GPR161: variants seen among roughly 807,000 people sequenced by gnomAD.
The protein encoded by GPR161 is G-protein coupled receptor RE2.
Under a neutral mutation model 39.2 loss-of-function variants are expected in GPR161, and 25 were observed. The observed-to-expected ratio is 0.64, with a 90% CI of 0.47 to 0.89. GPR161 has a LOEUF of 0.89. GPR161 is among the 40% of genes least tolerant of loss of function. The probability of loss-of-function intolerance (pLI) is 0.00; values close to 1 mark genes in which losing one functional copy is unlikely to be tolerated. For synonymous variants in GPR161, 286 were observed against 276.6 expected (o/e 1.03, Z -0.34); for missense variants, 547 against 677.8 (o/e 0.81, Z 2.14).
rs2102275413 is a variant in GPR161, at chr1:168,134,902, G to C, written c.-45+1837C>G. The C allele has an allele frequency of 2.6e-6, 4 of 1,535,392 alleles. No individual in the cohort carries two copies. The South Asian group carries it at 3.6e-5, about 14-fold the overall frequency. ...GCAGTGGAGTTTACACCACAGAACTGTACCTCCTCTTGCTGACATTTAGGT... is the reference window on the plus strand; with the variant it reads ...GCAGTGGAGTTTACACCACAGAACTCTACCTCCTCTTGCTGACATTTAGGT... On this transcript the variant is annotated intron_variant, in intron 1 of 5. Coordinates refer to ENST00000682931, the MANE Select transcript of GPR161 (RefSeq NM_001375883.1).
chr1:168,133,965 G>A (rs1186905996), intron 1 of GPR161: 4 of 570,194 alleles, frequency 7.0e-6, no homozygotes, highest in African/African-American at 6.1e-5. Flanking sequence ...AAGGTGGGGA[G>A]AAGGAGTAGA....
At chr1:168,099,993 G>A (rs1394028361) in intron 2 of GPR161, among the ~76,000 whole-genome samples, 1 of 151,982 alleles carries the variant, frequency 6.6e-6, no homozygotes, top group Non-Finnish European at 1.5e-5. Context: ...TTGAAGCCAG[G>A]AGTTTGAGAC....
chr1:168,137,499 G>A (rs1699473102), upstream of GPR161: 3 of 1,042,986 alleles, frequency 2.9e-6, no homozygotes, highest in Non-Finnish European at 1.4e-6. Context: ...GCCCCGGGGA[G>A]TGGGGAGTGG....
rs547511917 is a variant in GPR161, at chr1:168,115,809, A to T, written c.-44-10915T>A. On this transcript the variant is annotated intron_variant, in intron 1 of 5. Transcript: ENST00000682931. ...TTTTTTTTTTGAGACGGAGTCTTGCACTGTCGCCCAGGCTGGAGTGCAGTG... is the reference window on the plus strand; with the variant it reads ...TTTTTTTTTTGAGACGGAGTCTTGCTCTGTCGCCCAGGCTGGAGTGCAGTG... Among the ~76,000 whole-genome samples, 15 of 150,274 alleles carry T rather than the reference A, an allele frequency of 1.0e-4. No homozygotes were observed. The South Asian group carries it at 1.7e-3, about 17-fold the overall frequency.
At chr1:168,123,533 TACATACACACAC>T (rs1156242659) in intron 1 of GPR161, among the ~76,000 whole-genome samples, 14 of 97,650 alleles carry the variant, frequency 1.4e-4, no homozygotes, top group African/African-American at 2.3e-4. Context: ...GATATGCACA[TACATACACACAC>T]ACACACACAC....
intron 1 of GPR161, among the ~76,000 whole-genome samples, chr1:168,117,116 A>T (rs1697697109): frequency 1.3e-5 from 2 of 152,158 alleles, no homozygotes; most frequent in Non-Finnish European, 2.9e-5. Context: ...CCTCTCCACA[A>T]GGGCATCAGC....
At chr1:168,137,009 C>T (rs1699438595), upstream of GPR161, 2 of 882,608 alleles carry the variant, frequency 2.3e-6, no homozygotes, top group Non-Finnish European at 2.7e-6. Flanking sequence ...CCCGAGCCGC[C>T]TCCCCGCGCC....
chr1:168,136,237 G>C (rs912211255), intron 1 of GPR161: 20 of 1,310,784 alleles, frequency 1.5e-5, no homozygotes, highest in Admixed American at 3.7e-5. Flanking sequence ...CTGAGTCCCG[G>C]CTGGGAGAAG....
intron 3 of GPR161, among the ~76,000 whole-genome samples, chr1:168,093,402 G>A (rs1019351869): frequency 3.3e-5 from 5 of 152,156 alleles, no homozygotes; most frequent in African/African-American, 1.2e-4. Context: ...AAATCTGCTA[G>A]ATATAAAGGA....
rs1303033732 is a variant in GPR161 at position 168,119,245 on chromosome 1, CAT to C, written c.-44-14353_-44-14352del. Among the ~76,000 whole-genome samples, 137 of 103,340 alleles carry C rather than the reference CAT, an allele frequency of 1.3e-3. 7 individuals are homozygous for C. Among genetic ancestry groups the C allele is most frequent in the Middle Eastern group, 5.3e-3 (1 of 188 alleles). 67.8% of individuals were successfully genotyped at this position (103,340 alleles called of 152,430 possible). The stretch of plus-strand genomic sequence containing the variant: ...ATATATACGTATATATATATATACA[CAT>C]ATATATATACGTATATATATGTGTA... On this transcript the variant is annotated intron_variant, in intron 1 of 5. Transcript: ENST00000682931.
rs887277152 is a variant in GPR161 at position 168,098,729 on chromosome 1, C to T, written c.375-1497G>A. Among the ~76,000 whole-genome samples, 5 of 152,214 alleles carry T rather than the reference C, an allele frequency of 3.3e-5. No individual in the cohort carries two copies. Among genetic ancestry groups the T allele is most frequent in the South Asian group, 2.1e-4 (1 of 4,830 alleles). ...TGGAAAGAGAGCATTTCCGGCTATG[C>T]GGCCTGAGGAGAAGATTGCGCAGTG... On this transcript the variant is annotated intron_variant, in intron 2 of 5. Coordinates refer to ENST00000682931, the MANE Select transcript of GPR161 (RefSeq NM_001375883.1). This position sits in a 1 kb window ranked among gnomAD's most constrained non-coding sequence, Gnocchi z 4.1.
chr1:168,123,537 TACACACACACACACACACACAC>T (rs10534836), intron 1 of GPR161, among the ~76,000 whole-genome samples: 15 of 138,220 alleles, frequency 1.1e-4, no homozygotes, highest in Admixed American at 9.3e-4. Context: ...TGCACATACA[TACACACACACACACACACACAC>T]ACACACACAC....
chr1:168,129,392 C>T (rs1346392439), intron 1 of GPR161, among the ~76,000 whole-genome samples: 1 of 152,146 alleles, frequency 6.6e-6, no homozygotes, highest in African/African-American at 2.4e-5. Flanking sequence ...CATTGCAGGC[C>T]TGGAGAAAGA....
chr1:168,097,328 GT>G, intron 2 of GPR161, 96 bp from the exon 3 acceptor site: 2 of 1,313,128 alleles, frequency 1.5e-6, no homozygotes, highest in Non-Finnish European at 2.1e-6. Flanking sequence ...TGGGTTGGAT[GT>G]TTCTAAAAGC....
chr1:168,122,635 A>C (rs1698273291), intron 1 of GPR161, among the ~76,000 whole-genome samples: 1 of 152,130 alleles, frequency 6.6e-6, no homozygotes, highest in South Asian at 2.1e-4. Flanking sequence ...ACTCCAACGC[A>C]CTAGCCTCCT....
Position 168,083,500 on chromosome 1 carries a change from T to G in GPR161, c.*2031A>C, listed in dbSNP as rs1694216308. ...AGAGATAAAGGTCTCTCTGCCCTGT[T>G]CCACCTCTGTGCACACTAGTTGATC... On this transcript the variant is annotated 3_prime_UTR_variant, in exon 6 of 6. Coordinates refer to ENST00000682931, the MANE Select transcript of GPR161 (RefSeq NM_001375883.1). The G allele has an allele frequency of 2.0e-5, 3 of 152,232 alleles. No homozygotes were observed. The highest frequency in any genetic ancestry group is 6.6e-5 in the Admixed American group (1 of 15,264). 9.4% of individuals were successfully genotyped at this position (152,232 alleles called of 1,614,324 possible).
rs1197020585 is a variant in GPR161, at chr1:168,136,729, G to T, written c.-45+10C>A. ...CGGGCCCGCGCCCGCGCCCCACGCC[G>T]GGTGCTCACCGAGGAGCGGCCGCCG... On this transcript the variant is annotated intron_variant, in intron 1 of 5. Transcript: ENST00000682931. The T allele has an allele frequency of 4.2e-5, 43 of 1,014,642 alleles. No individual in the cohort carries two copies. The highest frequency in any genetic ancestry group is 4.9e-5 in the Non-Finnish European group (42 of 850,602). The allele number at this position is 1,014,642 out of a possible 1,614,324, so 62.9% of individuals were successfully genotyped here.
chr1:168,114,926 G>A lies in GPR161; in HGVS notation c.-44-10032C>T, dbSNP rs184022190. On this transcript the variant is annotated intron_variant, in intron 1 of 5. Transcript: ENST00000682931. Reference sequence around the variant, plus strand: ...GCTTTAGGGGTCAGCTCTTGATCTCGGGTGGGCTAGAGAGTCTCACTGATG... The same window carrying A: ...GCTTTAGGGGTCAGCTCTTGATCTCAGGTGGGCTAGAGAGTCTCACTGATG... 7.9e-4 allele frequency among the ~76,000 whole-genome samples: 120 copies of A among 152,246 alleles called. 1 individual carries two copies. In the Middle Eastern group the frequency reaches 0.014, roughly 17 times the overall value.
chr1:168,110,766 A>G (rs749123043), intron 1 of GPR161, among the ~76,000 whole-genome samples: 2 of 151,906 alleles, frequency 1.3e-5, no homozygotes, highest in Non-Finnish European at 1.5e-5. Flanking sequence ...TCTACTAAAC[A>G]TACAAAAATT....
Sources: allele counts gnomAD v4.1 joint callset (sites outside exome capture counted in the v4.1 genomes callset), GRCh38; gene constraint gnomAD v4.1.1; non-coding constraint Gnocchi (gnomAD v3.1); transcripts MANE v1.5; gene names NCBI Gene and HGNC (gene_info 2026-07-23, HGNC 2026-07-21).